Variants in SF3B3 observed in about 807,000 individuals in gnomAD.
SF3B3 encodes SAP 130.
A neutral mutation model predicts 139.2 loss-of-function variants in SF3B3; 33 were observed. The ratio of observed to expected loss-of-function variants is 0.24; its 90% CI spans 0.18 to 0.32. The LOEUF (loss-of-function observed/expected upper bound fraction) is 0.32. Among genes scored for constraint, SF3B3 ranks in the 10% least tolerant of loss-of-function variants. The probability of loss-of-function intolerance (pLI) is 1.00; values close to 1 mark genes in which losing one functional copy is unlikely to be tolerated. For synonymous variants in SF3B3, 596 were observed against 563.6 expected (o/e 1.06, Z -0.81); for missense variants, 818 against 1,509.4 (o/e 0.54, Z 7.59).
In SF3B3 at chr16:70,571,702, G is replaced by C. The variant is rs2050531121; in HGVS notation, c.3543G>C (p.Gln1181His). 6.2e-7 allele frequency: 1 copy of C among 1,613,956 alleles called. No homozygotes were observed. The highest frequency in any genetic ancestry group is 1.7e-5 in the Admixed American group (1 of 59,968). ...TGATTGATGGAGACCTCTGTGAGCA[G>C]TTCAATTCCATGGAACCCAACAAAC... ...KNVIDGDLCE[Q>H]FNSMEPNKQK... Residue 1181 changes from glutamine (Q) to histidine (H), a missense_variant, in exon 26 of 26, where the codon CAG (glutamine) becomes CAC (histidine). Physicochemically the swap from Gln to His is conservative, Grantham distance 24. Coordinates refer to ENST00000302516, the MANE Select transcript of SF3B3 (RefSeq NM_012426.5).
chr16:70,558,343 TG>T (rs749095468), intron 15 of SF3B3, among the ~76,000 whole-genome samples: 2 of 151,964 alleles, frequency 1.3e-5, no homozygotes, highest in Non-Finnish European at 2.9e-5. Flanking sequence ...CTTGAACTCC[TG>T]GCCTCAAGTG....
At chr16:70,537,970 G>A (rs1318327187) in intron 6 of SF3B3, 1 of 522,000 alleles carries the variant, frequency 1.9e-6, no homozygotes, top group Admixed American at 2.0e-5. Context: ...GGCATTTGAT[G>A]TAGAACAGGG....
intron 9 of SF3B3, among the ~76,000 whole-genome samples, chr16:70,543,574 G>A (rs1424991763): frequency 6.6e-6 from 1 of 152,094 alleles, no homozygotes; most frequent in African/African-American, 2.4e-5. Context: ...AGGGCATGGT[G>A]GTGGGTGCTT....
In SF3B3 at chr16:70,544,429, T is replaced by G. The variant is rs1332972716; in HGVS notation, c.1234-9T>G. On this transcript the variant is annotated splice_polypyrimidine_tract_variant and intron_variant, in intron 9 of 25. Coordinates refer to ENST00000302516, the MANE Select transcript of SF3B3 (RefSeq NM_012426.5). ...AGACATTTTTTCCTCTAACTTTTTC[T>G]CTGTGCAGATAGCTGATCTGGCCAA... The G allele has an allele frequency of 6.3e-7, 1 of 1,583,950 alleles. No homozygotes were observed. The highest frequency in any genetic ancestry group is 1.7e-5 in the Admixed American group (1 of 58,632).
intron 14 of SF3B3, 153 bp from the exon 15 acceptor site, chr16:70,556,733 C>T (rs1352287338): frequency 1.4e-6 from 1 of 732,640 alleles, no homozygotes; most frequent in Non-Finnish European, 2.2e-6. Context: ...TTGGGTGTAA[C>T]TAATAACTCA....
intron 16 of SF3B3, chr16:70,561,388 C>T (rs2050427693): frequency 5.2e-6 from 2 of 385,376 alleles, no homozygotes; most frequent in Non-Finnish European, 9.2e-6. Flanking sequence ...CACGTGGAAG[C>T]AGGCTTAGAG....
chr16:70,549,054 A>G (rs2050296304), intron 11 of SF3B3, among the ~76,000 whole-genome samples: 1 of 152,246 alleles, frequency 6.6e-6, no homozygotes. Context: ...AGTTACTGCA[A>G]TAGCAGGAAA....
intron 9 of SF3B3, among the ~76,000 whole-genome samples, chr16:70,543,130 A>G (rs1329775189): frequency 2.0e-5 from 3 of 151,896 alleles, no homozygotes; most frequent in Non-Finnish European, 4.4e-5. Context: ...AAAATTAGCC[A>G]GGCATGGTGG....
Position 70,574,312 on chromosome 16 carries a change from T to G in SF3B3, c.*2499T>G, listed in dbSNP as rs888355758. 6.6e-6 allele frequency: 1 copy of G among 151,904 alleles called. No individual in the cohort carries two copies. The highest frequency in any genetic ancestry group is 1.5e-5 in the Non-Finnish European group (1 of 68,004). The allele number at this position is 151,904 out of a possible 1,614,324, so 9.4% of individuals were successfully genotyped here. A position where few individuals can be genotyped will look rare whatever the true frequency, so the allele number is the denominator to read the frequency against. ...GAGCAATCCACCTCAGCCTCCAGAG[T>G]AGGGGAGACTACAGATGTGTGCCAC... is the stretch of plus-strand genomic sequence containing the variant. On this transcript the variant is annotated 3_prime_UTR_variant, in exon 26 of 26. Coordinates refer to ENST00000302516, the MANE Select transcript of SF3B3 (RefSeq NM_012426.5).
At chr16:70,546,214 T>A (rs2050266966) in intron 10 of SF3B3, among the ~76,000 whole-genome samples, 1 of 152,140 alleles carries the variant, frequency 6.6e-6, no homozygotes, top group South Asian at 2.1e-4. Flanking sequence ...CAAGTGAGCC[T>A]CCCACTTCAC....
rs2050579112 is a variant in SF3B3 at position 70,576,250 on chromosome 16, AG to A, written c.*4439del. The A allele has an allele frequency of 6.6e-6, 1 of 152,244 alleles. No homozygotes were observed. The highest frequency in any genetic ancestry group is 2.1e-4 in the South Asian group (1 of 4,832). 9.4% of individuals were successfully genotyped at this position (152,244 alleles called of 1,614,324 possible). A position where few individuals can be genotyped will look rare whatever the true frequency, so the allele number is the denominator to read the frequency against. Reference sequence around the variant, plus strand: ...GGTTTGGAAGTTTCAGATTTGGAAAAGGAGCTGGGCCAGCCCATCTGGAATA... The same window carrying A: ...GGTTTGGAAGTTTCAGATTTGGAAAAGAGCTGGGCCAGCCCATCTGGAATA... On this transcript the variant is annotated 3_prime_UTR_variant, in exon 26 of 26. Coordinates refer to ENST00000302516, the MANE Select transcript of SF3B3 (RefSeq NM_012426.5).
intron 21 of SF3B3, 137 bp downstream of exon 21, chr16:70,567,673 T>C: frequency 9.1e-7 from 1 of 1,102,950 alleles, no homozygotes; most frequent in South Asian, 1.8e-5. Context: ...GCTTCAGAAT[T>C]ATGCCCTTGT....
At chr16:70,531,696 A>G (rs1305171092) in intron 4 of SF3B3, among the ~76,000 whole-genome samples, 1 of 152,268 alleles carries the variant, frequency 6.6e-6, no homozygotes, top group African/African-American at 2.4e-5. Flanking sequence ...CTCTGATTTA[A>G]GTAATCTCCC....
intron 5 of SF3B3, 95 bp downstream of exon 5, chr16:70,532,715 C>A: frequency 7.9e-7 from 1 of 1,261,950 alleles, no homozygotes; most frequent in Non-Finnish European, 1.1e-6. Context: ...GGAATTAATC[C>A]ATTTGTTGTG....
chr16:70,554,976 C>T, intron 12 of SF3B3, 75 bp from the exon 13 acceptor site: 1 of 1,425,686 alleles, frequency 7.0e-7, no homozygotes, highest in African/African-American at 1.4e-5. Flanking sequence ...AGTGACAGAT[C>T]TGATAGATGT....
At chr16:70,532,402 A>T in intron 4 of SF3B3, 77 bp from the exon 5 acceptor site, 1 of 1,182,340 alleles carries the variant, frequency 8.5e-7, no homozygotes, top group Non-Finnish European at 1.2e-6. Context: ...CCTCATTTGT[A>T]AATTGGAGTC....
At position 70,574,550 on chromosome 16, in the gene SF3B3, G is replaced by A. The variant is rs2050559365; in HGVS notation, c.*2737G>A. Reference sequence around the variant, plus strand: ...ATCTCTCTCTCTTGACCAGGCTAGAGGGCTGTGGTGCGATCTCAGCCCACT... The same window carrying A: ...ATCTCTCTCTCTTGACCAGGCTAGAAGGCTGTGGTGCGATCTCAGCCCACT... On this transcript the variant is annotated 3_prime_UTR_variant, in exon 26 of 26. Coordinates refer to ENST00000302516, the MANE Select transcript of SF3B3 (RefSeq NM_012426.5). 1 of 152,326 alleles carries A rather than the reference G, an allele frequency of 6.6e-6. No individual in the cohort carries two copies. The highest frequency in any genetic ancestry group is 1.5e-5 in the Non-Finnish European group (1 of 68,050). The allele number at this position is 152,326 out of a possible 1,614,324, so 9.4% of individuals were successfully genotyped here.
rs1266817478 is a variant in SF3B3 at position 70,572,875 on chromosome 16, T to C, written c.*1062T>C. On this transcript the variant is annotated 3_prime_UTR_variant, in exon 26 of 26. Coordinates refer to ENST00000302516, the MANE Select transcript of SF3B3 (RefSeq NM_012426.5). Reference sequence around the variant, plus strand: ...CCCACCCCTGAGAATTCCTCCTGTTTAGTTGTGTGGGAAGCCCTCGTCTTC... The same window carrying C: ...CCCACCCCTGAGAATTCCTCCTGTTCAGTTGTGTGGGAAGCCCTCGTCTTC... The C allele has an allele frequency of 2.0e-5, 3 of 152,254 alleles. No homozygotes were observed. The highest frequency in any genetic ancestry group is 2.1e-4 in the South Asian group (1 of 4,830). The allele number at this position is 152,254 out of a possible 1,614,324, so 9.4% of individuals were successfully genotyped here. A position where few individuals can be genotyped will look rare whatever the true frequency, so the allele number is the denominator to read the frequency against.
chr16:70,528,623 CT>C (rs1423540354), intron 2 of SF3B3, among the ~76,000 whole-genome samples: 9 of 151,708 alleles, frequency 5.9e-5, no homozygotes, highest in Non-Finnish European at 1.3e-4. Flanking sequence ...TCACACCTGA[CT>C]AATTTTTTTT....
Sources: allele counts gnomAD v4.1 joint callset (sites outside exome capture counted in the v4.1 genomes callset), GRCh38; gene constraint gnomAD v4.1.1; transcripts MANE v1.5; gene names NCBI Gene and HGNC (gene_info 2026-07-23, HGNC 2026-07-21).